The following MAGI2 variants were observed in gnomAD, a reference collection of about 807,000 sequenced individuals.
The protein encoded by MAGI2 is membrane-associated guanylate kinase, WW and PDZ domain-containing protein 2.
Under a neutral mutation model 133.3 loss-of-function variants are expected in MAGI2, and 35 were observed. That is an observed-to-expected ratio of 0.26 (90% CI 0.20 to 0.35). The LOEUF (loss-of-function observed/expected upper bound fraction) is 0.35. Ranked by LOEUF, MAGI2 falls within the 10% of genes least tolerant of loss-of-function variation. MAGI2 has a pLI of 1.00. For synonymous variants in MAGI2, 729 were observed against 710.6 expected (o/e 1.03, Z -0.41); for missense variants, 1,636 against 1,863.4 (o/e 0.88, Z 2.25).
At chr7:78,715,123 G>T (rs377325904) in intron 2 of MAGI2, among the ~76,000 whole-genome samples, 2 of 152,150 alleles carry the variant, frequency 1.3e-5, no homozygotes, top group African/African-American at 4.8e-5. Context: ...GAATTGATTT[G>T]CTTGGAGGAA....
chr7:78,713,573 C>G (rs1185982758), intron 2 of MAGI2, among the ~76,000 whole-genome samples: 1 of 152,156 alleles, frequency 6.6e-6, no homozygotes, highest in African/African-American at 2.4e-5. Flanking sequence ...CCAACTATCC[C>G]TCTTCTGAAA....
At chr7:78,842,932 T>A (rs1006125304) in intron 2 of MAGI2, among the ~76,000 whole-genome samples, 1 of 151,904 alleles carries the variant, frequency 6.6e-6, no homozygotes, top group African/African-American at 2.4e-5. Context: ...GAGTATCAAC[T>A]TCAGAATAGG....
chr7:78,808,145 C>T (rs1433775568), intron 2 of MAGI2, among the ~76,000 whole-genome samples: 13 of 152,242 alleles, frequency 8.5e-5, no homozygotes, highest in African/African-American at 3.1e-4. Context: ...ATGGTTTAAA[C>T]AAGTGTTTAA....
At chr7:78,979,295 T>C (rs776538631) in intron 2 of MAGI2, among the ~76,000 whole-genome samples, 3 of 151,742 alleles carry the variant, frequency 2.0e-5, no homozygotes, top group Non-Finnish European at 4.4e-5. Flanking sequence ...AGGAATTATA[T>C]AAGACGAGCT....
At chr7:78,669,253 C>A (rs1264848202) in intron 2 of MAGI2, among the ~76,000 whole-genome samples, 1 of 151,926 alleles carries the variant, frequency 6.6e-6, no homozygotes, top group East Asian at 1.9e-4. Flanking sequence ...CCACCGATCC[C>A]ACAGAAATAC....
chr7:78,378,044 T>G (rs930006649), intron 6 of MAGI2, among the ~76,000 whole-genome samples: 5 of 151,860 alleles, frequency 3.3e-5, no homozygotes, highest in African/African-American at 1.2e-4. Flanking sequence ...GCTTTGAACA[T>G]TAATGGACAA....
rs539874060 is a variant in MAGI2, at chr7:78,166,348, C to T, written c.2596+1568G>A. The stretch of plus-strand genomic sequence containing the variant: ...TTAGGTTATAGAACATACAGCACAG[C>T]AAACTTTTTATTAAAAATTACTCTG... On this transcript the variant is annotated intron_variant, in intron 15 of 21. Transcript: ENST00000354212. Among the ~76,000 whole-genome samples the T allele has an allele frequency of 2.2e-4, 33 of 152,288 alleles. 1 individual carries two copies. In the South Asian group the frequency reaches 6.8e-3, roughly 32 times the overall value.
chr7:79,117,315 C>A (rs114137564), intron 1 of MAGI2, among the ~76,000 whole-genome samples: 7,421 of 152,034 alleles, frequency 0.049, 631 homozygotes, highest in African/African-American at 0.17. Flanking sequence ...CAAAACTTTT[C>A]AATAGAATAT....
At chr7:78,070,098 CACACACAT>C (rs980976484) in intron 21 of MAGI2, among the ~76,000 whole-genome samples, 5 of 99,688 alleles carry the variant, frequency 5.0e-5, no homozygotes, top group African/African-American at 1.8e-4. Context: ...TAAACACACA[CACACACAT>C]ACACACACAC....
rs560338138 is a variant in MAGI2 at position 78,342,477 on chromosome 7, A to G, written c.1408+1301T>C. 4.6e-5 allele frequency among the ~76,000 whole-genome samples: 7 copies of G among 152,342 alleles called. No individual in the cohort carries two copies. In the East Asian group the frequency reaches 1.4e-3, roughly 29 times the overall value. On this transcript the variant is annotated intron_variant, in intron 9 of 21. Transcript: ENST00000354212. ...TTACTATATATATACCCAAAGGATT[A>G]TAAATCATTCTACTATAAAGACACA...
chr7:78,725,145 C>T (rs1388663407), intron 2 of MAGI2, among the ~76,000 whole-genome samples: 3 of 152,164 alleles, frequency 2.0e-5, no homozygotes, highest in Non-Finnish European at 4.4e-5. Context: ...AATTAAGTTT[C>T]CTGAAAAATA....
intron 6 of MAGI2, among the ~76,000 whole-genome samples, chr7:78,381,838 A>C (rs571774889): frequency 6.6e-6 from 1 of 152,300 alleles, no homozygotes; most frequent in South Asian, 2.1e-4. Context: ...CTCATACCTT[A>C]CTGGTGGATG....
At chr7:79,214,062 A>T (rs1470952668) in intron 1 of MAGI2, among the ~76,000 whole-genome samples, 1 of 151,902 alleles carries the variant, frequency 6.6e-6, no homozygotes, top group Non-Finnish European at 1.5e-5. Flanking sequence ...AGTACAATTA[A>T]AGCTAGTCTT....
intron 1 of MAGI2, among the ~76,000 whole-genome samples, chr7:79,344,286 T>C (rs926492443): frequency 6.6e-6 from 1 of 152,056 alleles, no homozygotes; most frequent in Non-Finnish European, 1.5e-5. Flanking sequence ...TATTACACTA[T>C]GAATAACATA....
Position 79,149,188 on chromosome 7 carries a change from T to C in MAGI2, c.302-141982A>G, listed in dbSNP as rs114458432. Among the ~76,000 whole-genome samples the C allele has an allele frequency of 4.5e-3, 671 of 147,732 alleles. 8 individuals carry two copies. The highest frequency in any genetic ancestry group is 0.015 in the African/African-American group (613 of 40,314). ...TATATATAGACAGAGAACCACAATA[T>C]GCTTATATATATAGAGCGAGAGAGA... On this transcript the variant is annotated intron_variant, in intron 1 of 21. Transcript: ENST00000354212.
intron 1 of MAGI2, among the ~76,000 whole-genome samples, chr7:79,370,188 A>G (rs1026852635): frequency 3.3e-5 from 5 of 152,166 alleles, no homozygotes; most frequent in Non-Finnish European, 7.4e-5. Flanking sequence ...TTTATTGTAC[A>G]TATGTCCAAA....
chr7:79,110,809 G>A (rs1329029377), intron 1 of MAGI2, among the ~76,000 whole-genome samples: 2 of 152,142 alleles, frequency 1.3e-5, no homozygotes, highest in African/African-American at 4.8e-5. Flanking sequence ...GGTGAGGACT[G>A]GTGGGAGGTA....
At chr7:79,188,643 T>C (rs1190223410) in intron 1 of MAGI2, among the ~76,000 whole-genome samples, 1 of 151,850 alleles carries the variant, frequency 6.6e-6, no homozygotes, top group African/African-American at 2.4e-5. Flanking sequence ...TAATAAACAA[T>C]CACTGAGGTC....
intron 2 of MAGI2, among the ~76,000 whole-genome samples, chr7:78,812,582 ATGTATG>A (rs1289124344): frequency 7.3e-5 from 6 of 82,618 alleles, no homozygotes; most frequent in South Asian, 5.7e-4. Flanking sequence ...ACATATATGT[ATGTATG>A]TGTGTGTGTG....
Sources: gnomAD v4.1 joint callset for allele counts (sites outside exome capture counted in the v4.1 genomes callset) on GRCh38, gnomAD v4.1.1 for gene constraint, MANE v1.5 for transcripts, NCBI Gene and HGNC (gene_info 2026-07-23, HGNC 2026-07-21) for gene names.